Variants in XYLT1 observed in about 807,000 individuals in gnomAD.
XYLT1 encodes xylosyltransferase 1, also known as beta-D-xylosyltransferase 1.
XYLT1 carries 36 observed loss-of-function variants against 91.3 expected under a neutral mutation model. The ratio of observed to expected loss-of-function variants is 0.39; its 90% CI spans 0.30 to 0.52. The LOEUF is 0.52. XYLT1 is among the 20% of genes least tolerant of loss of function. XYLT1 has a pLI of 0.68. For synonymous variants in XYLT1, 588 were observed against 532.0 expected, an observed-to-expected ratio of 1.11 and a Z score of -1.45; for missense variants, 1,242 against 1,284.5, an observed-to-expected ratio of 0.97 and a Z score of 0.51.
intron 10 of XYLT1, among the ~76,000 whole-genome samples, chr16:17,123,842 T>C (rs758503091): frequency 6.6e-6 from 1 of 152,200 alleles, no homozygotes; most frequent in South Asian, 2.1e-4. Flanking sequence ...TATATTTAGA[T>C]TGTGGTGTTT....
chr16:17,345,400 A>C (rs2035130111), intron 2 of XYLT1, among the ~76,000 whole-genome samples: 1 of 152,256 alleles, frequency 6.6e-6, no homozygotes, highest in African/African-American at 2.4e-5. Context: ...CCCTGCAGAG[A>C]ATGCCAAAGT....
intron 5 of XYLT1, among the ~76,000 whole-genome samples, chr16:17,170,660 A>G (rs2031800646): frequency 6.6e-6 from 1 of 152,206 alleles, no homozygotes; most frequent in African/African-American, 2.4e-5. Context: ...AACTGTACTG[A>G]CACGCTGACC....
intron 2 of XYLT1, among the ~76,000 whole-genome samples, chr16:17,260,032 A>ATTTTT (rs34476832): frequency 7.0e-6 from 1 of 142,498 alleles, no homozygotes; most frequent in Non-Finnish European, 1.6e-5. Flanking sequence ...ACCAGCCGCA[A>ATTTTT]TTTTTTTTTT....
chr16:17,368,567 T>TA (rs1454464282), intron 1 of XYLT1, among the ~76,000 whole-genome samples: 6 of 151,408 alleles, frequency 4.0e-5, no homozygotes. Flanking sequence ...AGATAGATTT[T>TA]TTTTTTTTTT....
rs567692977 is a variant in XYLT1, at chr16:17,229,965, A to G, written c.913+29023T>C. 2.0e-3 allele frequency among the ~76,000 whole-genome samples: 306 copies of G among 152,310 alleles called. 2 individuals are homozygous for G. The highest frequency in any genetic ancestry group is 0.014 in the South Asian group (67 of 4,824). ...CTAAGGCCATGTGAAGACATGCAGG[A>G]AGGTCACGTGCTGATAGAGGCAGGG... On this transcript the variant is annotated intron_variant, in intron 3 of 11. Transcript: ENST00000261381.
chr16:17,399,382 G>C (rs1311378460), intron 1 of XYLT1, among the ~76,000 whole-genome samples: 1 of 152,196 alleles, frequency 6.6e-6, no homozygotes, highest in Non-Finnish European at 1.5e-5. Context: ...AGCATCAAGG[G>C]AAGGGGTGTG....
At chr16:17,297,557 GAAAA>G (rs35985751) in intron 2 of XYLT1, among the ~76,000 whole-genome samples, 69,375 of 142,866 alleles carry the variant, frequency 0.49, 18,889 homozygotes, top group African/African-American at 0.77. Flanking sequence ...TAAAGAAAAT[GAAAA>G]AAAAAAAAAA....
At chr16:17,332,676 G>C (rs1187235418) in intron 2 of XYLT1, among the ~76,000 whole-genome samples, 1 of 151,862 alleles carries the variant, frequency 6.6e-6, no homozygotes, top group African/African-American at 2.4e-5. Context: ...TCCCTCTCTA[G>C]AGGTCAGCTT....
At chr16:17,192,807 C>G (rs1373648675) in intron 5 of XYLT1, 2 of 132,154 alleles carry the variant, frequency 1.5e-5, no homozygotes, top group African/African-American at 6.2e-5. Context: ...CTTTTCCCAC[C>G]CTTTTTTTTT....
chr16:17,259,379 C>T lies in XYLT1; in HGVS notation c.522G>A (p.Lys174=), dbSNP rs187464543. ...TCGCCAACTCAGGCTGGTGCTTCTG[C>T]TTTTGAGTCCTGGGTGCGAAGTTGC... ...DNSNFAPRTQ[K]QKHQPELAKK... Residue 174 remains lysine, a synonymous_variant, in exon 3 of 12, where the codon AAG becomes AAA. Transcript: ENST00000261381. 350 of 1,614,230 alleles carry T rather than the reference C, an allele frequency of 2.2e-4. No homozygotes were observed. Among genetic ancestry groups the T allele is most frequent in the Non-Finnish European group, 7.5e-5 (89 of 1,180,040 alleles).
At chr16:17,397,419 C>T (rs1275140889) in intron 1 of XYLT1, among the ~76,000 whole-genome samples, 2 of 152,148 alleles carry the variant, frequency 1.3e-5, no homozygotes, top group Non-Finnish European at 2.9e-5. Context: ...TGGGATACAT[C>T]ATAATAAACC....
chr16:17,308,954 CAA>C (rs1275834677), intron 2 of XYLT1, among the ~76,000 whole-genome samples: 2 of 150,168 alleles, frequency 1.3e-5, no homozygotes, highest in African/African-American at 4.9e-5. Context: ...GACAAAAGAT[CAA>C]AAGAGGAACG....
chr16:17,109,380 C>T (rs760114187), intron 11 of XYLT1, among the ~76,000 whole-genome samples: 3 of 152,132 alleles, frequency 2.0e-5, no homozygotes, highest in Non-Finnish European at 2.9e-5. Context: ...AAGGCACTGT[C>T]TCATTTGATA....
At chr16:17,372,524 T>C (rs1426324585) in intron 1 of XYLT1, among the ~76,000 whole-genome samples, 1 of 152,332 alleles carries the variant, frequency 6.6e-6, no homozygotes, top group South Asian at 2.1e-4. Context: ...ACTCTCCCAA[T>C]GCTAATGTTC....
At position 17,275,911 on chromosome 16, in the gene XYLT1, G is replaced by A. The variant is rs144306718; in HGVS notation, c.403-16413C>T. The stretch of plus-strand genomic sequence containing the variant: ...ATGGTTCACTTGTAAGCTCATTACC[G>A]CAGGGCCTCTAAAGAAATGGAAATG... On this transcript the variant is annotated intron_variant, in intron 2 of 11. Transcript: ENST00000261381. Among the ~76,000 whole-genome samples, 351 of 152,236 alleles carry A rather than the reference G, an allele frequency of 2.3e-3. 6 individuals carry two copies. The highest frequency in any genetic ancestry group is 0.021 in the Admixed American group (324 of 15,288).
intron 5 of XYLT1, among the ~76,000 whole-genome samples, 198 bp from the exon 6 acceptor site, chr16:17,159,107 G>C (rs2031487003): frequency 6.6e-6 from 1 of 151,952 alleles, no homozygotes; most frequent in African/African-American, 2.4e-5. Context: ...TGTTAAAATG[G>C]GCTGTTTGTG....
intron 1 of XYLT1, among the ~76,000 whole-genome samples, chr16:17,400,006 A>G (rs992514493): frequency 1.3e-5 from 2 of 152,224 alleles, no homozygotes; most frequent in African/African-American, 4.8e-5. Context: ...CAGCCAGCGG[A>G]CTTCTTCTCC....
chr16:17,330,803 A>G (rs8059317), intron 2 of XYLT1, among the ~76,000 whole-genome samples: 12,635 of 151,894 alleles, frequency 0.083, 613 homozygotes, highest in African/African-American at 0.13. Context: ...CGGAAAAAAA[A>G]AAAAGAAAAG....
chr16:17,135,787 C>T (rs1444968245), intron 8 of XYLT1, among the ~76,000 whole-genome samples: 1 of 152,168 alleles, frequency 6.6e-6, no homozygotes, highest in Non-Finnish European at 1.5e-5. Context: ...CAGTAAAAGG[C>T]CAGACAGTAA....
Sources: gnomAD v4.1 joint callset for allele counts (sites outside exome capture counted in the v4.1 genomes callset) on GRCh38, gnomAD v4.1.1 for gene constraint, MANE v1.5 for transcripts, NCBI Gene and HGNC (gene_info 2026-07-23, HGNC 2026-07-21) for gene names.